POFUT3: variants seen among roughly 807,000 people sequenced by gnomAD.
POFUT3 encodes the protein GDP-fucose protein O-fucosyltransferase 3.
chr8:33,443,931 G>A, the POFUT3 span, among the ~76,000 whole-genome samples: 12,252 of 151,176 alleles, frequency 0.081, 631 homozygotes, highest in African/African-American at 0.15. Context: ...TTTGAGACTG[G>A]CTTTGGCAAC....
At chr8:33,369,264 A>T in the POFUT3 span, among the ~76,000 whole-genome samples, 1 of 152,220 alleles carries the variant, frequency 6.6e-6, no homozygotes, top group Non-Finnish European at 1.5e-5. Flanking sequence ...ATATAACTTG[A>T]CCAAGATAAT....
chr8:33,462,339 G>T, the POFUT3 span, among the ~76,000 whole-genome samples: 10 of 152,020 alleles, frequency 6.6e-5, no homozygotes, highest in Non-Finnish European at 1.0e-4. Context: ...AAGTTTCAAA[G>T]GAGTTTAGAA....
the POFUT3 span, among the ~76,000 whole-genome samples, chr8:33,363,181 A>G: frequency 6.6e-6 from 1 of 152,218 alleles, no homozygotes; most frequent in South Asian, 2.1e-4. Context: ...TGGTTAAATA[A>G]CAAAATGAAG....
the POFUT3 span, among the ~76,000 whole-genome samples, chr8:33,380,050 C>CTACATATATACTATATATATAT: frequency 2.1e-5 from 1 of 48,730 alleles, no homozygotes; most frequent in Non-Finnish European, 3.0e-5. Flanking sequence ...GATATATATA[C>CTACATATATACTATATATATAT]ACTATATATA....
the POFUT3 span, among the ~76,000 whole-genome samples, chr8:33,433,428 C>T: frequency 1.3e-5 from 2 of 151,534 alleles, no homozygotes; most frequent in Non-Finnish European, 2.9e-5. Flanking sequence ...CTGGCTAACA[C>T]GGTGAAACCC....
At chr8:33,451,061 G>GGTGT in the POFUT3 span, among the ~76,000 whole-genome samples, 71 of 88,876 alleles carry the variant, frequency 8.0e-4, no homozygotes, top group South Asian at 7.9e-3. Flanking sequence ...ACACAAAGGA[G>GGTGT]GTGTATGTGT....
chr8:33,396,398 G>A, the POFUT3 span, among the ~76,000 whole-genome samples: 1 of 152,180 alleles, frequency 6.6e-6, no homozygotes, highest in Admixed American at 6.5e-5. Context: ...GATTAATACA[G>A]AGGTCCATTT....
the POFUT3 span, among the ~76,000 whole-genome samples, chr8:33,466,842 C>T: frequency 6.6e-6 from 1 of 152,122 alleles, no homozygotes; most frequent in Non-Finnish European, 1.5e-5. Context: ...TAGTGGCTCA[C>T]ACCTGTAATC....
chr8:33,469,436 T>C, the POFUT3 span, among the ~76,000 whole-genome samples: 38 of 152,344 alleles, frequency 2.5e-4, no homozygotes, highest in African/African-American at 8.9e-4. Flanking sequence ...TAGATTTCTA[T>C]GTGGGAAAGT....
chr8:33,322,403 C>G, the POFUT3 span, among the ~76,000 whole-genome samples: 5 of 152,052 alleles, frequency 3.3e-5, no homozygotes, highest in African/African-American at 1.2e-4. Context: ...TGTAGCTCTA[C>G]AAGGGCCCTG....
chr8:33,451,326 A>G, the POFUT3 span, among the ~76,000 whole-genome samples: 7,171 of 152,050 alleles, frequency 0.047, 275 homozygotes, highest in African/African-American at 0.1. Flanking sequence ...AATTTTTCAG[A>G]TTTAGGATGC....
chr8:33,381,560 C>T, the POFUT3 span, among the ~76,000 whole-genome samples: 1 of 152,156 alleles, frequency 6.6e-6, no homozygotes, highest in African/African-American at 2.4e-5. Context: ...CTGGTAAGTG[C>T]CCATTTGATG....
the POFUT3 span, among the ~76,000 whole-genome samples, chr8:33,334,273 A>G: frequency 6.6e-6 from 1 of 151,736 alleles, no homozygotes; most frequent in Non-Finnish European, 1.5e-5. Flanking sequence ...GCTTGAGTAC[A>G]CTGGCATGAT....
chr8:33,319,048 T>A, the POFUT3 span, among the ~76,000 whole-genome samples: 260 of 19,214 alleles, frequency 0.014, 21 homozygotes, highest in East Asian at 0.058. Flanking sequence ...TATTTATATA[T>A]TATATAAATA....
the POFUT3 span, among the ~76,000 whole-genome samples, chr8:33,335,914 A>G: frequency 6.6e-6 from 1 of 152,058 alleles, no homozygotes; most frequent in African/African-American, 2.4e-5. Context: ...GTCTTGCTAT[A>G]TGGGGGTGGT....
At chr8:33,328,894 G>A in the POFUT3 span, among the ~76,000 whole-genome samples, 1 of 152,128 alleles carries the variant, frequency 6.6e-6, no homozygotes, top group African/African-American at 2.4e-5. Context: ...AGGAGCCTGG[G>A]CAGACACCCA....
the POFUT3 span, among the ~76,000 whole-genome samples, chr8:33,347,349 T>C: frequency 1.3e-5 from 2 of 152,238 alleles, no homozygotes; most frequent in Admixed American, 6.5e-5. Context: ...ATATATTATG[T>C]CTACATGTCC....
At chr8:33,358,355 C>T in the POFUT3 span, among the ~76,000 whole-genome samples, 1 of 152,228 alleles carries the variant, frequency 6.6e-6, no homozygotes, top group Non-Finnish European at 1.5e-5. Context: ...ACCACAGTGA[C>T]ACAAAGTAAA....
the POFUT3 span, chr8:33,453,431 T>C: frequency 6.2e-7 from 1 of 1,614,034 alleles, no homozygotes; most frequent in Non-Finnish European, 8.5e-7. Flanking sequence ...CGTAGGTGCT[T>C]CCTCCATTTT....
Sources: allele counts gnomAD v4.1 joint callset (sites outside exome capture counted in the v4.1 genomes callset), GRCh38; gene constraint gnomAD v4.1.1; transcripts MANE v1.5; gene names NCBI Gene and HGNC (gene_info 2026-07-23, HGNC 2026-07-21).